The following ABCE1 variants were observed in gnomAD, a reference collection of about 807,000 sequenced individuals.
ABCE1 encodes ATP-binding cassette sub-family E member 1.
ABCE1 carries 22 observed loss-of-function variants against 83.4 expected under a neutral mutation model. That is an observed-to-expected ratio of 0.26 (90% CI 0.19 to 0.38). The LOEUF is 0.38. Ranked by LOEUF, ABCE1 falls within the 10% of genes least tolerant of loss-of-function variation. ABCE1 has a pLI of 1.00. For missense variants in ABCE1, 330 were observed against 721.9 expected, an observed-to-expected ratio of 0.46 and a Z score of 6.22; for synonymous variants, 204 against 233.7, an observed-to-expected ratio of 0.87 and a Z score of 1.16.
At chr4:145,103,543 C>T (rs1054963406) in intron 1 of ABCE1, among the ~76,000 whole-genome samples, 1 of 152,118 alleles carries the variant, frequency 6.6e-6, no homozygotes, top group Non-Finnish European at 1.5e-5. Flanking sequence ...ATAGTATATA[C>T]ATATAGTTAT....
At chr4:145,120,358 T>C (rs975643510) in intron 11 of ABCE1, among the ~76,000 whole-genome samples, 1 of 152,122 alleles carries the variant, frequency 6.6e-6, no homozygotes, top group African/African-American at 2.4e-5. Flanking sequence ...TTAATAGTTC[T>C]TATTTTGTTT....
chr4:145,121,749 G>A (rs1332295531), intron 13 of ABCE1: 3 of 193,604 alleles, frequency 1.5e-5, no homozygotes, highest in Non-Finnish European at 2.1e-5. Context: ...GGCAGCGCCT[G>A]TAGTCCCAGC....
intron 10 of ABCE1, among the ~76,000 whole-genome samples, chr4:145,118,454 T>G (rs1749661055): frequency 6.6e-6 from 1 of 151,730 alleles, no homozygotes; most frequent in African/African-American, 2.4e-5. Context: ...GATGCATACT[T>G]TAAAGAAAAA....
chr4:145,120,152 T>C lies in ABCE1; in HGVS notation c.1143T>C (p.Asn381=). ...AAATTATGGTGATGCTGGGGGAAAATGGTAAGTTTTCTGTTTTGTGATAAG... is the reference window on the plus strand; with the variant it reads ...AAATTATGGTGATGCTGGGGGAAAACGGTAAGTTTTCTGTTTTGTGATAAG... ...DSEIMVMLGE[N]GTGKTTFIRM... Residue 381 remains asparagine (N), a splice_region_variant and synonymous_variant, in exon 11 of 18, where the codon AAT becomes AAC. Transcript: ENST00000296577. The C allele has an allele frequency of 6.3e-7, 1 of 1,599,880 alleles. No individual in the cohort carries two copies.
At chr4:145,103,217 G>C (rs1315233926) in intron 1 of ABCE1, among the ~76,000 whole-genome samples, 2 of 152,162 alleles carry the variant, frequency 1.3e-5, no homozygotes, top group South Asian at 2.1e-4. Flanking sequence ...AAAAAGACTT[G>C]AGATGTCTAC....
At chr4:145,115,110 T>G (rs1749577104) in intron 9 of ABCE1, among the ~76,000 whole-genome samples, 1 of 151,954 alleles carries the variant, frequency 6.6e-6, no homozygotes. Context: ...ATACATTTTT[T>G]ACAACCTAGA....
chr4:145,111,790 C>A lies in ABCE1; in HGVS notation c.711-449C>A, dbSNP rs34351142. ...TTTCCTTCCTTTATTTAGTGTCTCTCCTCCCAGACATTTATTGCTGCTTTT... is the reference window on the plus strand; with the variant it reads ...TTTCCTTCCTTTATTTAGTGTCTCTACTCCCAGACATTTATTGCTGCTTTT... On this transcript the variant is annotated intron_variant, in intron 8 of 17. Transcript: ENST00000296577. Among the ~76,000 whole-genome samples the A allele has an allele frequency of 4.4e-3, 668 of 152,266 alleles. 3 individuals carry two copies. Among genetic ancestry groups the A allele is most frequent in the African/African-American group, 0.015 (614 of 41,556 alleles).
intron 16 of ABCE1, among the ~76,000 whole-genome samples, chr4:145,124,541 A>G (rs1347952668): frequency 6.6e-6 from 1 of 152,190 alleles, no homozygotes; most frequent in East Asian, 1.9e-4. Flanking sequence ...ACGATTAAGC[A>G]TAGAAATTTA....
intron 11 of ABCE1, chr4:145,120,969 C>T: frequency 1.8e-6 from 1 of 551,100 alleles, no homozygotes; most frequent in Non-Finnish European, 3.2e-6. Flanking sequence ...TTTGACTAGT[C>T]TTTATTCCTC....
chr4:145,118,499 A>C (rs535164171), intron 10 of ABCE1, among the ~76,000 whole-genome samples: 1 of 151,740 alleles, frequency 6.6e-6, no homozygotes, highest in East Asian at 1.9e-4. Context: ...CAGTAGTCTT[A>C]AGGGATGACA....
chr4:145,120,526 A>T (rs35875923), intron 11 of ABCE1, among the ~76,000 whole-genome samples: 4 of 152,178 alleles, frequency 2.6e-5, no homozygotes, highest in African/African-American at 9.6e-5. Flanking sequence ...ATACACTTCA[A>T]TGTGGAACTT....
At chr4:145,113,516 G>T (rs34255246) in intron 9 of ABCE1, among the ~76,000 whole-genome samples, 33 of 152,194 alleles carry the variant, frequency 2.2e-4, no homozygotes, top group African/African-American at 7.9e-4. Context: ...GGTTGCACAG[G>T]ATTCCTATAG....
chr4:145,117,217 A>G, intron 9 of ABCE1, 76 bp from the exon 10 acceptor site: 1 of 1,278,806 alleles, frequency 7.8e-7, no homozygotes. Context: ...TATTAGATGT[A>G]TCTCTTTTTC....
intron 9 of ABCE1, among the ~76,000 whole-genome samples, chr4:145,117,035 G>A (rs892587871): frequency 1.3e-5 from 2 of 151,736 alleles, no homozygotes; most frequent in Non-Finnish European, 3.0e-5. Flanking sequence ...CACTTATTTC[G>A]AAATATGTTT....
intron 8 of ABCE1, among the ~76,000 whole-genome samples, chr4:145,111,985 A>G (rs1433797561): frequency 6.6e-6 from 1 of 152,172 alleles, no homozygotes; most frequent in African/African-American, 2.4e-5. Flanking sequence ...GGAGTGACCA[A>G]TTTGTAAATT....
chr4:145,105,238 T>C (rs1185302326), intron 2 of ABCE1, among the ~76,000 whole-genome samples: 1 of 152,118 alleles, frequency 6.6e-6, no homozygotes, highest in Admixed American at 6.5e-5. Flanking sequence ...ATGCTCTGCC[T>C]TACCATTTTC....
In ABCE1 at chr4:145,123,381, A is replaced by G. The variant is rs371079175; in HGVS notation, c.1517+24A>G. On this transcript the variant is annotated intron_variant, in intron 15 of 17. Transcript: ENST00000296577. ...CGGTAAATATCTTGCTCCTAGCCATATTTTGATTATGTATACTGTCCTACA... is the reference window on the plus strand; with the variant it reads ...CGGTAAATATCTTGCTCCTAGCCATGTTTTGATTATGTATACTGTCCTACA... 35 of 1,596,162 alleles carry G rather than the reference A, an allele frequency of 2.2e-5. 1 individual carries two copies. The African/African-American group carries it at 4.3e-4, about 20-fold the overall frequency.
At chr4:145,115,984 G>A (rs1749598699) in intron 9 of ABCE1, among the ~76,000 whole-genome samples, 1 of 151,898 alleles carries the variant, frequency 6.6e-6, no homozygotes, top group African/African-American at 2.4e-5. Context: ...CTTGTTACCA[G>A]TATTCAAGAG....
intron 5 of ABCE1, among the ~76,000 whole-genome samples, chr4:145,109,861 T>C (rs543115075): frequency 1.3e-5 from 2 of 152,316 alleles, no homozygotes; most frequent in South Asian, 2.1e-4. Context: ...TAACCTCTTA[T>C]TAGATGCCCT....
Sources: allele counts gnomAD v4.1 joint callset (sites outside exome capture counted in the v4.1 genomes callset), GRCh38; gene constraint gnomAD v4.1.1; transcripts MANE v1.5; gene names NCBI Gene and HGNC (gene_info 2026-07-23, HGNC 2026-07-21).